The following SH3RF2 variants were observed in gnomAD, a reference collection of about 807,000 sequenced individuals.
SH3RF2 encodes SH3 domain containing ring finger 2.
A neutral mutation model predicts 59.0 loss-of-function variants in SH3RF2; 43 were observed. The observed-to-expected ratio is 0.73, with a 90% CI of 0.57 to 0.94. SH3RF2 has a LOEUF of 0.94. SH3RF2 is among the 40% of genes least tolerant of loss of function. The pLI is 0.00. For missense variants in SH3RF2, 930 were observed against 940.1 expected, an observed-to-expected ratio of 0.99 and a Z score of 0.14; for synonymous variants, 391 against 391.5, an observed-to-expected ratio of 1.00 and a Z score of 0.01.
At chr5:146,001,283 C>T (rs915667624) in intron 3 of SH3RF2, among the ~76,000 whole-genome samples, 1 of 152,152 alleles carries the variant, frequency 6.6e-6, no homozygotes, top group African/African-American at 2.4e-5. Flanking sequence ...CTTGACTACT[C>T]GTGATAAGTA....
chr5:145,974,978 G>T (rs1315214208), intron 2 of SH3RF2, among the ~76,000 whole-genome samples: 1 of 152,222 alleles, frequency 6.6e-6, no homozygotes. Context: ...TCACAGATGA[G>T]TCTCATGTGT....
At chr5:146,071,087 G>C (rs1763225151) in intron 9 of SH3RF2, among the ~76,000 whole-genome samples, 1 of 152,172 alleles carries the variant, frequency 6.6e-6, no homozygotes, top group African/African-American at 2.4e-5. Context: ...ACAACTCCCT[G>C]ACCATCCAAG....
rs765881085 is a variant in SH3RF2, at chr5:146,062,483, T to C, written c.1972T>C (p.Ser658Pro). 1.3e-5 allele frequency: 21 copies of C among 1,613,962 alleles called. No individual in the cohort carries two copies. The highest frequency in any genetic ancestry group is 1.7e-5 in the Non-Finnish European group (20 of 1,179,960). The change falls in exon 10 of 10, where the codon TCC becomes CCC. Residue 658 changes from serine to proline, a missense_variant. Physicochemically the swap from Ser to Pro is moderately conservative, Grantham distance 74. Transcript: ENST00000359120. Reference sequence around the variant, plus strand: ...CCCTCCTCCCACCAAACATTACACCTCCCATCCCACCTCCGGAAAGCCTGA... The same window carrying C: ...CCCTCCTCCCACCAAACATTACACCCCCCATCCCACCTCCGGAAAGCCTGA... ...YSPPPTKHYT[S>P]HPTSGKPEQP... is the part of the protein sequence containing the mutation.
intron 4 of SH3RF2, among the ~76,000 whole-genome samples, chr5:146,006,737 G>A (rs1048649844): frequency 6.6e-5 from 10 of 152,188 alleles, no homozygotes; most frequent in East Asian, 1.9e-4. Context: ...AGGTTATGCC[G>A]TGGCAATAAA....
chr5:146,000,368 T>A (rs372926593), intron 3 of SH3RF2, 41 bp downstream of exon 3: 1 of 1,587,002 alleles, frequency 6.3e-7, no homozygotes, highest in Non-Finnish European at 8.5e-7. Context: ...TGGGACCACG[T>A]AGAGACCATA....
chr5:145,994,897 T>A (rs1760088747), intron 2 of SH3RF2, among the ~76,000 whole-genome samples: 1 of 152,208 alleles, frequency 6.6e-6, no homozygotes. Flanking sequence ...TCAGTAAAGG[T>A]TAGCTATTGA....
At chr5:146,064,792 G>GAAGGA (rs1763045887), downstream of SH3RF2, among the ~76,000 whole-genome samples, 4 of 33,938 alleles carry the variant, frequency 1.2e-4, no homozygotes, top group African/African-American at 4.3e-4. Context: ...AGGAAGGAAG[G>GAAGGA]AAGGAAGGAA....
chr5:146,063,647 G>A (rs1762974413), downstream of SH3RF2, among the ~76,000 whole-genome samples: 1 of 152,170 alleles, frequency 6.6e-6, no homozygotes, highest in South Asian at 2.1e-4. Context: ...ACCACTTGAG[G>A]TCAGGAGTTT....
chr5:145,946,080 C>T (rs1447408728), intron 2 of SH3RF2, among the ~76,000 whole-genome samples: 2 of 152,234 alleles, frequency 1.3e-5, no homozygotes, highest in African/African-American at 4.8e-5. Context: ...TCACCATGAG[C>T]TGCTTCCTGC....
downstream of SH3RF2, among the ~76,000 whole-genome samples, chr5:146,064,788 G>GAAAGA (rs201977965): frequency 5.4e-5 from 1 of 18,530 alleles, no homozygotes; most frequent in Admixed American, 6.2e-4. Context: ...AGGAAGGAAG[G>GAAAGA]AAGGAAGGAA....
intron 2 of SH3RF2, among the ~76,000 whole-genome samples, chr5:145,960,457 G>C (rs754386847): frequency 6.6e-6 from 1 of 152,144 alleles, no homozygotes; most frequent in Non-Finnish European, 1.5e-5. Context: ...TTCAATGCCT[G>C]GCCCTTAATC....
chr5:146,014,026 G>A lies in SH3RF2; in HGVS notation c.1024G>A (p.Glu342Lys), dbSNP rs932441555. ...SNPSVITQPM[E>K]KADVPSSCVG... The stretch of plus-strand genomic sequence containing the variant: ...CCCCTCTGTGATCACCCAGCCCATG[G>A]AGAAAGCAGACGTTCCTTCCAGCTG... The change falls in exon 5 of 10, where the codon GAG (glutamate) becomes AAG (lysine). Residue 342 changes from glutamate (E) to lysine (K), a missense_variant. By Grantham distance (56) the Glu-to-Lys change is moderately conservative. Coordinates refer to ENST00000359120, the MANE Select transcript of SH3RF2 (RefSeq NM_152550.4). 6.2e-7 allele frequency: 1 copy of A among 1,614,126 alleles called. No individual in the cohort carries two copies. The highest frequency in any genetic ancestry group is 8.5e-7 in the Non-Finnish European group (1 of 1,180,010).
intron 5 of SH3RF2, among the ~76,000 whole-genome samples, chr5:146,023,066 T>C (rs10463379): frequency 0.31 from 46,743 of 151,918 alleles, 8,135 homozygotes; most frequent in Non-Finnish European, 0.39. Context: ...TTATTCTACA[T>C]ATCCCTCCTT....
At chr5:146,012,155 C>T (rs1204285031) in intron 4 of SH3RF2, among the ~76,000 whole-genome samples, 5 of 152,240 alleles carry the variant, frequency 3.3e-5, no homozygotes, top group East Asian at 1.9e-4. Flanking sequence ...GTTTTTGTCG[C>T]TGGTTCTGTT....
chr5:145,998,289 A>AAT (rs2149982075), intron 2 of SH3RF2, among the ~76,000 whole-genome samples: 1 of 152,110 alleles, frequency 6.6e-6, no homozygotes, highest in African/African-American at 2.4e-5. Flanking sequence ...GTTAAAAAAA[A>AAT]AAAAAAAAAG....
chr5:146,026,474 G>C (rs248774), intron 5 of SH3RF2, among the ~76,000 whole-genome samples: 44,116 of 152,094 alleles, frequency 0.29, 7,813 homozygotes, highest in Non-Finnish European at 0.38. Flanking sequence ...TATTATGTGC[G>C]TTAATTGGCT....
chr5:145,996,973 C>A (rs563931315), intron 2 of SH3RF2, among the ~76,000 whole-genome samples: 2 of 152,278 alleles, frequency 1.3e-5, no homozygotes, highest in South Asian at 4.1e-4. Context: ...ATAGGAAGTG[C>A]TCGGTAATTA....
At chr5:146,077,503 C>T (rs1763360873) in intron 9 of SH3RF2, among the ~76,000 whole-genome samples, 1 of 152,106 alleles carries the variant, frequency 6.6e-6, no homozygotes, top group Admixed American at 6.6e-5. Context: ...AACATTTTAC[C>T]AGGTTCATTT....
intron 1 of SH3RF2, 75 bp from the exon 2 acceptor site, chr5:145,937,748 C>T: frequency 1.5e-6 from 1 of 685,750 alleles, no homozygotes; most frequent in Non-Finnish European, 2.5e-6. Context: ...TTATGAGACA[C>T]TGCCTCAATG....
Sources: gnomAD v4.1 joint callset for allele counts (sites outside exome capture counted in the v4.1 genomes callset) on GRCh38, gnomAD v4.1.1 for gene constraint, MANE v1.5 for transcripts, NCBI Gene and HGNC (gene_info 2026-07-23, HGNC 2026-07-21) for gene names.